Variants in AGBL1 observed in about 807,000 individuals in gnomAD.
AGBL1 encodes the protein AGBL carboxypeptidase 1, also known as cytosolic carboxypeptidase 4.
AGBL1 carries 130 observed loss-of-function variants against 118.9 expected under a neutral mutation model. The ratio of observed to expected loss-of-function variants is 1.09; its 90% CI spans 0.95 to 1.26. AGBL1 has a LOEUF of 1.26. AGBL1 is among the 50% of genes most tolerant of loss of function. The pLI is 0.00. For missense variants in AGBL1, 1,584 were observed against 1,298.1 expected, an observed-to-expected ratio of 1.22 and a Z score of -3.38; for synonymous variants, 555 against 478.9, an observed-to-expected ratio of 1.16 and a Z score of -2.08.
Position 86,432,780 on chromosome 15 carries a change from T to C in AGBL1, c.2555+35234T>C, listed in dbSNP as rs946687487. Among the ~76,000 whole-genome samples the C allele has an allele frequency of 3.9e-5, 6 of 152,204 alleles. No individual in the cohort carries two copies. In the East Asian group the frequency reaches 1.2e-3, roughly 29 times the overall value. On this transcript the variant is annotated intron_variant, in intron 18 of 22. Coordinates refer to ENST00000614907, the MANE Select transcript of AGBL1 (RefSeq NM_001386094.1). ...TATTCTGCTTTGGGTTTAATTTTTTTCTTGGGTCCAGTGGTGTGAAAAATT... is the reference window on the plus strand; with the variant it reads ...TATTCTGCTTTGGGTTTAATTTTTTCCTTGGGTCCAGTGGTGTGAAAAATT...
intron 22 of AGBL1, among the ~76,000 whole-genome samples, chr15:86,720,788 T>C (rs1159783073): frequency 5.9e-5 from 9 of 151,840 alleles, no homozygotes; most frequent in Admixed American, 2.0e-4. Flanking sequence ...AAGAACCAAA[T>C]AGACACAATA....
intron 12 of AGBL1, among the ~76,000 whole-genome samples, 160 bp downstream of exon 12, chr15:86,266,617 C>T (rs919714779): frequency 1.1e-4 from 16 of 152,270 alleles, no homozygotes; most frequent in African/African-American, 3.4e-4. Context: ...CTTTAAGAAT[C>T]ATCGGCCAGG....
At chr15:86,517,025 A>C (rs1007241656) in intron 18 of AGBL1, among the ~76,000 whole-genome samples, 9 of 152,172 alleles carry the variant, frequency 5.9e-5, no homozygotes, top group African/African-American at 2.2e-4. Flanking sequence ...AATGAAAACC[A>C]CATTTTAATC....
chr15:86,440,234 G>A (rs1283462928), intron 18 of AGBL1, among the ~76,000 whole-genome samples: 2 of 151,992 alleles, frequency 1.3e-5, no homozygotes, highest in African/African-American at 4.8e-5. Flanking sequence ...GAAACTTAAT[G>A]CTATTTTCAT....
intron 8 of AGBL1, among the ~76,000 whole-genome samples, 170 bp from the exon 9 acceptor site, chr15:86,257,794 C>G (rs1238800937): frequency 2.6e-5 from 4 of 152,140 alleles, no homozygotes; most frequent in African/African-American, 9.7e-5. Context: ...ACATGAACAC[C>G]ATTTATACCG....
intron 22 of AGBL1, among the ~76,000 whole-genome samples, chr15:86,744,330 T>G (rs1305724472): frequency 2.0e-5 from 3 of 152,108 alleles, no homozygotes; most frequent in Non-Finnish European, 4.4e-5. Context: ...AGGAATAAAT[T>G]TGCCTTTATT....
chr15:86,443,642 ACT>A (rs1328884614), intron 18 of AGBL1, among the ~76,000 whole-genome samples: 1 of 151,626 alleles, frequency 6.6e-6, no homozygotes, highest in East Asian at 1.9e-4. Flanking sequence ...CTGCTATTCT[ACT>A]CTCTCTTTCT....
intron 18 of AGBL1, among the ~76,000 whole-genome samples, chr15:86,435,937 C>T (rs1050055119): frequency 6.6e-6 from 1 of 152,122 alleles, no homozygotes; most frequent in Non-Finnish European, 1.5e-5. Flanking sequence ...TTATTAACAA[C>T]TATCATTAAC....
chr15:86,464,361 A>G (rs1335706455), intron 18 of AGBL1, among the ~76,000 whole-genome samples: 1 of 152,116 alleles, frequency 6.6e-6, no homozygotes, highest in East Asian at 1.9e-4. Flanking sequence ...GGGTTTTCTA[A>G]ATATACAATA....
chr15:86,928,713 C>A (rs777210796), intron 23 of AGBL1, among the ~76,000 whole-genome samples: 1 of 152,076 alleles, frequency 6.6e-6, no homozygotes, highest in Non-Finnish European at 1.5e-5. Context: ...CTCTTCTATC[C>A]CAATCTCTTC....
downstream of AGBL1, chr15:86,916,254 CT>C (rs1452852669): frequency 6.6e-6 from 1 of 152,216 alleles, no homozygotes; most frequent in African/African-American, 2.4e-5. Flanking sequence ...AAGCGTGTCC[CT>C]TGCTTCATTG....
intron 22 of AGBL1, among the ~76,000 whole-genome samples, chr15:86,755,869 G>A (rs987035812): frequency 1.3e-5 from 2 of 152,088 alleles, no homozygotes; most frequent in Non-Finnish European, 2.9e-5. Flanking sequence ...TGTTGGGGAG[G>A]AGACTCTACC....
intron 18 of AGBL1, among the ~76,000 whole-genome samples, chr15:86,463,392 C>T (rs928431885): frequency 6.6e-6 from 1 of 151,900 alleles, no homozygotes; most frequent in Non-Finnish European, 1.5e-5. Flanking sequence ...TGTAGGTTGC[C>T]TGTTCACTCT....
At chr15:86,106,146 A>G (rs1465563942) in intron 1 of AGBL1, among the ~76,000 whole-genome samples, 1 of 152,240 alleles carries the variant, frequency 6.6e-6, no homozygotes, top group African/African-American at 2.4e-5. Context: ...ATAACCTAGT[A>G]TGCTGTTGTA....
At chr15:86,115,049 G>A (rs1045959763) in intron 1 of AGBL1, among the ~76,000 whole-genome samples, 13 of 152,266 alleles carry the variant, frequency 8.5e-5, no homozygotes, top group African/African-American at 2.2e-4. Context: ...ACACTGCCTG[G>A]CACCTCAAGT....
intron 22 of AGBL1, among the ~76,000 whole-genome samples, chr15:86,858,181 G>T (rs2079510457): frequency 6.6e-6 from 1 of 152,128 alleles, no homozygotes; most frequent in Non-Finnish European, 1.5e-5. Flanking sequence ...CATGTTCAGT[G>T]CTATAAGAGG....
At chr15:86,753,095 C>T (rs1422120839) in intron 22 of AGBL1, among the ~76,000 whole-genome samples, 2 of 152,014 alleles carry the variant, frequency 1.3e-5, no homozygotes, top group Non-Finnish European at 2.9e-5. Context: ...ATTTGTTACC[C>T]TTCTATCTAA....
chr15:86,536,276 T>A (rs1359418432), intron 19 of AGBL1, among the ~76,000 whole-genome samples: 2 of 152,202 alleles, frequency 1.3e-5, no homozygotes, highest in Non-Finnish European at 2.9e-5. Flanking sequence ...CAATGTAGTT[T>A]CTGTGTAACA....
At chr15:86,943,186 T>C (rs371698718) in intron 23 of AGBL1, among the ~76,000 whole-genome samples, 53 of 152,316 alleles carry the variant, frequency 3.5e-4, no homozygotes, top group Non-Finnish European at 7.6e-4. Context: ...CTCATACAAA[T>C]TAAAGAGTCC....
Sources: allele counts gnomAD v4.1 joint callset (sites outside exome capture counted in the v4.1 genomes callset), GRCh38; gene constraint gnomAD v4.1.1; transcripts MANE v1.5; gene names NCBI Gene and HGNC (gene_info 2026-07-23, HGNC 2026-07-21).